Variants in RAB6B observed in about 807,000 individuals in gnomAD.
The protein encoded by RAB6B is RAB6B, member RAS oncogene family.
In RAB6B, 7 loss-of-function variants were observed where a neutral mutation model predicts 31.2. The observed-to-expected ratio is 0.22, with a 90% CI of 0.13 to 0.42. The LOEUF (loss-of-function observed/expected upper bound fraction) is 0.42, where lower values mean the gene tolerates loss of function less well. Ranked by LOEUF, RAB6B falls within the 10% of genes least tolerant of loss-of-function variation. RAB6B has a pLI of 1.00. For synonymous variants in RAB6B, 105 were observed against 104.9 expected (o/e 1.00, Z -0.01); for missense variants, 149 against 280.6 (o/e 0.53, Z 3.35).
At position 133,825,374 on chromosome 3, in the gene RAB6B, C is replaced by T. The variant is rs1298431047; in HGVS notation, c.*3414G>A. On this transcript the variant is annotated 3_prime_UTR_variant, in exon 8 of 8. Transcript: ENST00000285208. ...CACTCTTAACTACCACCATTTCAAT[C>T]CTTGTTTCTGTTGCCAGAGATACTG... 1 of 152,266 alleles carries T rather than the reference C, an allele frequency of 6.6e-6. No individual in the cohort carries two copies. The highest frequency in any genetic ancestry group is 2.4e-5 in the African/African-American group (1 of 41,450). The allele number at this position is 152,266 out of a possible 1,614,324, so 9.4% of individuals were successfully genotyped here.
chr3:133,895,251 G>T (rs1936691871), intron 1 of RAB6B, 146 bp downstream of exon 1: 1 of 382,722 alleles, frequency 2.6e-6, no homozygotes, highest in South Asian at 2.2e-5. Context: ...GCCCGACCCC[G>T]CCCCGACCTC....
intron 7 of RAB6B, among the ~76,000 whole-genome samples, chr3:133,831,767 G>T (rs1935659250): frequency 6.6e-6 from 1 of 152,182 alleles, no homozygotes; most frequent in African/African-American, 2.4e-5. Context: ...TCTTCCCTCT[G>T]GGTCAAGTGT....
At chr3:133,876,494 T>C (rs1262366743) in intron 1 of RAB6B, among the ~76,000 whole-genome samples, 2 of 152,084 alleles carry the variant, frequency 1.3e-5, no homozygotes, top group Non-Finnish European at 2.9e-5. Context: ...AGAGATAAAA[T>C]ATAAGGCAAA....
rs555252260 is a variant in RAB6B, at chr3:133,890,954, G to A, written c.70+4443C>T. Among the ~76,000 whole-genome samples the A allele has an allele frequency of 1.4e-4, 21 of 152,352 alleles. No homozygotes were observed. In the East Asian group the frequency reaches 1.9e-3, roughly 14 times the overall value. Reference sequence around the variant, plus strand: ...AAACCAAAGCTATGCCATGGTGTGTGGCCAGGTGGGCTGGTAGCCCAGGGG... The same window carrying A: ...AAACCAAAGCTATGCCATGGTGTGTAGCCAGGTGGGCTGGTAGCCCAGGGG... On this transcript the variant is annotated intron_variant, in intron 1 of 7. Coordinates refer to ENST00000285208, the MANE Select transcript of RAB6B (RefSeq NM_016577.4).
At position 133,872,456 on chromosome 3, in the gene RAB6B, G is replaced by A. The variant is rs145244067; in HGVS notation, c.71-7814C>T. ...CATTCCTGGCCTGACTGTGAGGTACGGCCCCCAGGCCCTGTGGTGACAAGT... is the reference window on the plus strand; with the variant it reads ...CATTCCTGGCCTGACTGTGAGGTACAGCCCCCAGGCCCTGTGGTGACAAGT... On this transcript the variant is annotated intron_variant, in intron 1 of 7. Transcript: ENST00000285208. 4.0e-4 allele frequency among the ~76,000 whole-genome samples: 61 copies of A among 152,370 alleles called. No individual in the cohort carries two copies. The East Asian group carries it at 0.011, about 27-fold the overall frequency.
At chr3:133,865,926 T>C (rs1321348249) in intron 1 of RAB6B, among the ~76,000 whole-genome samples, 2 of 152,208 alleles carry the variant, frequency 1.3e-5, no homozygotes, top group African/African-American at 4.8e-5. Context: ...ACTGACTGTG[T>C]TTGGGCTAAA....
At chr3:133,860,224 G>GACAT (rs1936140324) in intron 2 of RAB6B, among the ~76,000 whole-genome samples, 1 of 152,212 alleles carries the variant, frequency 6.6e-6, no homozygotes, top group Non-Finnish European at 1.5e-5. Context: ...TGCAGTTTTG[G>GACAT]ACATACGATT....
intron 3 of RAB6B, 55 bp from the exon 4 acceptor site, chr3:133,841,445 C>G: frequency 6.3e-7 from 1 of 1,588,998 alleles, no homozygotes; most frequent in Non-Finnish European, 8.6e-7. Flanking sequence ...CAGTGAGGTC[C>G]TCCTGGTCCG....
chr3:133,848,629 T>G (rs1935936897), intron 2 of RAB6B, among the ~76,000 whole-genome samples: 2 of 152,026 alleles, frequency 1.3e-5, no homozygotes, highest in Non-Finnish European at 2.9e-5. Flanking sequence ...GAAGGGAAAG[T>G]GAACACACAA....
intron 1 of RAB6B, among the ~76,000 whole-genome samples, chr3:133,885,331 G>C (rs1369416328): frequency 6.7e-6 from 1 of 149,318 alleles, no homozygotes; most frequent in Admixed American, 6.7e-5. Context: ...AATGACCAGA[G>C]GACGGGGGAC....
Position 133,827,383 on chromosome 3 carries a change from G to C in RAB6B, c.*1405C>G, listed in dbSNP as rs574420500. On this transcript the variant is annotated 3_prime_UTR_variant, in exon 8 of 8. Transcript: ENST00000285208. ...CCTGGCTCTGTGCAGGCTCAGGGCA[G>C]TGAGTCTGAGTCTATTTGGAATGCT... is the stretch of plus-strand genomic sequence containing the variant. 1 of 153,256 alleles carries C rather than the reference G, an allele frequency of 6.5e-6. No individual in the cohort carries two copies. Among genetic ancestry groups the C allele is most frequent in the East Asian group, 1.9e-4 (1 of 5,222 alleles). The allele number at this position is 153,256 out of a possible 1,614,324, so 9.5% of individuals were successfully genotyped here.
At chr3:133,873,016 T>C (rs1319882452) in intron 1 of RAB6B, among the ~76,000 whole-genome samples, 1 of 152,168 alleles carries the variant, frequency 6.6e-6, no homozygotes, top group Admixed American at 6.5e-5. Context: ...GACCGATGCC[T>C]GACCCTCTCA....
At chr3:133,856,343 C>T (rs953851952) in intron 2 of RAB6B, among the ~76,000 whole-genome samples, 41 of 151,848 alleles carry the variant, frequency 2.7e-4, no homozygotes, top group Non-Finnish European at 5.9e-4. Flanking sequence ...TGGACTATTG[C>T]TTATTCTGTT....
At chr3:133,891,748 C>A (rs992376737) in intron 1 of RAB6B, among the ~76,000 whole-genome samples, 1 of 152,230 alleles carries the variant, frequency 6.6e-6, no homozygotes, top group South Asian at 2.1e-4. Context: ...CCTGCATAGT[C>A]GCTTCATTGC....
chr3:133,838,298 G>T, intron 5 of RAB6B, 39 bp from the exon 6 acceptor site: 2 of 1,577,906 alleles, frequency 1.3e-6, no homozygotes, highest in Non-Finnish European at 1.7e-6. Context: ...GCTCAGCAGA[G>T]AAGCAGACCC....
intron 1 of RAB6B, among the ~76,000 whole-genome samples, chr3:133,873,960 G>A (rs964596625): frequency 1.3e-5 from 2 of 152,122 alleles, no homozygotes; most frequent in African/African-American, 4.8e-5. Flanking sequence ...TAGATTTACT[G>A]TTCATTAAGT....
intron 1 of RAB6B, chr3:133,894,620 C>A (rs1280309429): frequency 6.6e-6 from 1 of 152,254 alleles, no homozygotes; most frequent in African/African-American, 2.4e-5. Context: ...ACTTCACAGC[C>A]TCTCGGTGTG....
At chr3:133,877,316 G>A (rs1364624548) in intron 1 of RAB6B, among the ~76,000 whole-genome samples, 1 of 152,234 alleles carries the variant, frequency 6.6e-6, no homozygotes, top group Non-Finnish European at 1.5e-5. Flanking sequence ...ATGTATATGA[G>A]GAAACTACTT....
intron 5 of RAB6B, 72 bp downstream of exon 5, chr3:133,839,434 G>T: frequency 7.6e-7 from 1 of 1,314,628 alleles, no homozygotes; most frequent in Non-Finnish European, 1.1e-6. Context: ...ATGCATCCCA[G>T]AGCTCCCTGT....
Sources: allele counts gnomAD v4.1 joint callset (sites outside exome capture counted in the v4.1 genomes callset), GRCh38; gene constraint gnomAD v4.1.1; transcripts MANE v1.5; gene names NCBI Gene and HGNC (gene_info 2026-07-23, HGNC 2026-07-21).